The following BDP1 variants were observed in gnomAD, a reference collection of about 807,000 sequenced individuals.
The protein encoded by BDP1 is transcription factor TFIIIB component B'' homolog.
BDP1 carries 169 observed loss-of-function variants against 266.6 expected under a neutral mutation model. The observed-to-expected ratio is 0.63, with a 90% CI of 0.56 to 0.72. The LOEUF is 0.72. Among genes scored for constraint, BDP1 ranks in the 30% least tolerant of loss-of-function variants. BDP1 has a pLI of 0.00. For synonymous variants in BDP1, 1,090 were observed against 1,022.4 expected, an observed-to-expected ratio of 1.07 and a Z score of -1.26; for missense variants, 3,015 against 3,053.8, an observed-to-expected ratio of 0.99 and a Z score of 0.30.
At chr5:71,475,176 G>C (rs1348235216) in intron 7 of BDP1, among the ~76,000 whole-genome samples, 1 of 151,956 alleles carries the variant, frequency 6.6e-6, no homozygotes, top group African/African-American at 2.4e-5. Context: ...CCTCTGTCCT[G>C]GCTCACTGCA....
At chr5:71,556,302 C>G (rs1743210334) in intron 35 of BDP1, among the ~76,000 whole-genome samples, 1 of 151,866 alleles carries the variant, frequency 6.6e-6, no homozygotes, top group South Asian at 2.1e-4. Context: ...GCTAATATAA[C>G]TAAAAAATAA....
downstream of BDP1, among the ~76,000 whole-genome samples, chr5:71,572,483 C>T (rs1434631767): frequency 6.6e-6 from 1 of 152,182 alleles, no homozygotes; most frequent in Non-Finnish European, 1.5e-5. Context: ...GATGAGTCTG[C>T]TGGCAGCGGA....
Position 71,562,460 on chromosome 5 carries a change from G to T in BDP1, c.7683G>T (p.Leu2561=). ...AAAAAAATCGAGAGTCCTCTGATCT[G>T]CTTCCATCTCCAAGTGTTATTACTA... ...SQEKNRESSD[L]LPSPSVITTQ... is the part of the protein sequence containing the mutation. Residue 2561 remains leucine (L), a synonymous_variant, in exon 38 of 39, where the codon CTG becomes CTT. Coordinates refer to ENST00000358731, the MANE Select transcript of BDP1 (RefSeq NM_018429.3). 3 of 1,613,902 alleles carry T rather than the reference G, an allele frequency of 1.9e-6. No homozygotes were observed. The highest frequency in any genetic ancestry group is 2.5e-6 in the Non-Finnish European group (3 of 1,179,824).
intron 2 of BDP1, 77 bp downstream of exon 2, chr5:71,458,932 G>A: frequency 1.4e-6 from 2 of 1,423,404 alleles, no homozygotes; most frequent in South Asian, 1.4e-5. Context: ...AAAAGCATTT[G>A]TAGCATTTTG....
intron 25 of BDP1, among the ~76,000 whole-genome samples, chr5:71,525,905 C>T (rs1765833466): frequency 6.6e-6 from 1 of 152,074 alleles, no homozygotes; most frequent in Admixed American, 6.5e-5. Context: ...AGAGGGTCTC[C>T]TCACTTCTCA....
At chr5:71,513,466 A>G (rs1765052054) in intron 19 of BDP1, 59 bp downstream of exon 19, 2 of 1,023,012 alleles carry the variant, frequency 2.0e-6, no homozygotes. Context: ...TTAAGTTATT[A>G]GGACTACTAA....
intron 4 of BDP1, 97 bp downstream of exon 4, chr5:71,464,214 G>A: frequency 2.6e-6 from 2 of 775,254 alleles, no homozygotes; most frequent in Non-Finnish European, 4.1e-6. Context: ...ATTTGATTGG[G>A]GTTGGGCACA....
At chr5:71,498,913 G>A (rs1455440592) in intron 13 of BDP1, among the ~76,000 whole-genome samples, 2 of 151,616 alleles carry the variant, frequency 1.3e-5, no homozygotes, top group Admixed American at 1.3e-4. Context: ...CAGTTGAGAC[G>A]AGGTTTTGTC....
intron 6 of BDP1, 123 bp downstream of exon 6, chr5:71,467,610 T>A (rs1761983075): frequency 1.1e-5 from 9 of 787,260 alleles, no homozygotes; most frequent in Non-Finnish European, 1.8e-5. Flanking sequence ...CCAGCTAATT[T>A]TATTGACACC....
intron 16 of BDP1, 151 bp from the exon 17 acceptor site, chr5:71,509,314 T>G: frequency 1.3e-6 from 1 of 754,640 alleles, no homozygotes. Flanking sequence ...TTTCTTTTAA[T>G]TTTTAAATTT....
intron 15 of BDP1, among the ~76,000 whole-genome samples, chr5:71,503,848 A>G (rs761678120): frequency 6.6e-6 from 1 of 151,948 alleles, no homozygotes; most frequent in African/African-American, 2.4e-5. Context: ...GTGTGCTCCT[A>G]TAGTCCCAGC....
chr5:71,518,151 A>G (rs1383501894), intron 22 of BDP1, among the ~76,000 whole-genome samples: 5 of 152,224 alleles, frequency 3.3e-5, no homozygotes, highest in Non-Finnish European at 7.3e-5. Flanking sequence ...TCTTTTCTTT[A>G]GTAAAAACGC....
intron 17 of BDP1, among the ~76,000 whole-genome samples, chr5:71,511,595 T>A (rs1422440124): frequency 1.3e-5 from 2 of 152,164 alleles, no homozygotes; most frequent in Non-Finnish European, 2.9e-5. Context: ...TGCAGTGAGC[T>A]GTGATTGTGC....
chr5:71,546,638 A>C (rs1473097027), intron 32 of BDP1, among the ~76,000 whole-genome samples: 1 of 151,020 alleles, frequency 6.6e-6, no homozygotes, highest in African/African-American at 2.4e-5. Context: ...AAAAAAAAAA[A>C]AAAAAAACCA....
intron 25 of BDP1, among the ~76,000 whole-genome samples, chr5:71,526,548 G>A (rs1435283903): frequency 4.0e-5 from 6 of 149,106 alleles, no homozygotes; most frequent in South Asian, 2.1e-4. Flanking sequence ...CCCGGGAAGC[G>A]GAGGTTGCAG....
At chr5:71,463,638 A>G (rs1420670216) in intron 3 of BDP1, among the ~76,000 whole-genome samples, 1 of 152,024 alleles carries the variant, frequency 6.6e-6, no homozygotes, top group African/African-American at 2.4e-5. Flanking sequence ...CCTGGGCGAT[A>G]TGGTGAGACC....
chr5:71,470,913 A>T (rs67735897), intron 7 of BDP1, among the ~76,000 whole-genome samples: 46,016 of 149,566 alleles, frequency 0.31, 8,010 homozygotes, highest in East Asian at 0.51. Context: ...TTAAACTGTT[A>T]TGATGGTTTT....
chr5:71,547,598 A>G (rs1405006647), intron 32 of BDP1, among the ~76,000 whole-genome samples: 1 of 152,176 alleles, frequency 6.6e-6, no homozygotes, highest in African/African-American at 2.4e-5. Context: ...TTTAATATCC[A>G]CTGATGATTC....
intron 6 of BDP1, among the ~76,000 whole-genome samples, chr5:71,468,393 G>A (rs1314891875): frequency 2.6e-5 from 4 of 151,798 alleles, no homozygotes; most frequent in East Asian, 1.9e-4. Context: ...AGGCTCAAGC[G>A]ATCCTTTGCC....
Sources: allele counts gnomAD v4.1 joint callset (sites outside exome capture counted in the v4.1 genomes callset), GRCh38; gene constraint gnomAD v4.1.1; transcripts MANE v1.5; gene names NCBI Gene and HGNC (gene_info 2026-07-23, HGNC 2026-07-21).